ERC2: variants seen among roughly 807,000 people sequenced by gnomAD.
The protein encoded by ERC2 is ELKS/RAB6-interacting/CAST family member 2.
In ERC2, 42 loss-of-function variants were observed where a neutral mutation model predicts 114.8. That is an observed-to-expected ratio of 0.37 (90% CI 0.29 to 0.47). The LOEUF (loss-of-function observed/expected upper bound fraction) is 0.47. Ranked by LOEUF, ERC2 falls within the 20% of genes least tolerant of loss-of-function variation. The pLI is 0.99. For missense variants in ERC2, 939 were observed against 1,150.7 expected (o/e 0.82, Z 2.66); for synonymous variants, 454 against 425.5 (o/e 1.07, Z -0.82).
chr3:55,538,508 G>A (rs112497295), intron 17 of ERC2, among the ~76,000 whole-genome samples: 5 of 152,238 alleles, frequency 3.3e-5, no homozygotes, highest in African/African-American at 1.2e-4. Context: ...CTAAATGGCT[G>A]TGTGAGCAAA....
At chr3:55,806,295 A>G (rs2059485600) in intron 14 of ERC2, among the ~76,000 whole-genome samples, 1 of 151,016 alleles carries the variant, frequency 6.6e-6, no homozygotes, top group African/African-American at 2.4e-5. Flanking sequence ...AGATCATGCC[A>G]CTGCACTCCA....
intron 17 of ERC2, among the ~76,000 whole-genome samples, chr3:55,592,944 A>T (rs2057965601): frequency 6.6e-6 from 1 of 152,224 alleles, no homozygotes; most frequent in Admixed American, 6.5e-5. Flanking sequence ...ATAGGATGAC[A>T]GGGTGCTTGA....
At chr3:55,907,102 C>T (rs542392883) in intron 13 of ERC2, among the ~76,000 whole-genome samples, 4 of 152,310 alleles carry the variant, frequency 2.6e-5, no homozygotes, top group African/African-American at 9.6e-5. Flanking sequence ...CAGAAAGTGT[C>T]TGCAAAAGAA....
intron 14 of ERC2, among the ~76,000 whole-genome samples, chr3:55,753,055 C>A (rs190796176): frequency 6.6e-6 from 1 of 152,216 alleles, no homozygotes; most frequent in African/African-American, 2.4e-5. Flanking sequence ...CTAACCAAGT[C>A]CATGGGGAAG....
intron 3 of ERC2, among the ~76,000 whole-genome samples, chr3:56,256,218 G>A: frequency 6.6e-6 from 1 of 152,196 alleles, no homozygotes; most frequent in East Asian, 1.9e-4. Context: ...GAGACAACTA[G>A]GAACAACCAG....
At chr3:56,229,998 TG>T (rs1242631283) in intron 3 of ERC2, among the ~76,000 whole-genome samples, 1 of 150,136 alleles carries the variant, frequency 6.7e-6, no homozygotes, top group African/African-American at 2.4e-5. Flanking sequence ...CCTGATTAGC[TG>T]GGATTACAGG....
chr3:55,656,211 C>T (rs1193800489), intron 17 of ERC2, among the ~76,000 whole-genome samples: 1 of 152,162 alleles, frequency 6.6e-6, no homozygotes, highest in Non-Finnish European at 1.5e-5. Context: ...GCAATCATAG[C>T]TCATGCAGCC....
At chr3:56,025,988 T>G (rs1474205482) in intron 7 of ERC2, among the ~76,000 whole-genome samples, 1 of 151,804 alleles carries the variant, frequency 6.6e-6, no homozygotes, top group Admixed American at 6.6e-5. Flanking sequence ...AATAAAAATT[T>G]GAAAACAAAT....
intron 17 of ERC2, among the ~76,000 whole-genome samples, chr3:55,642,271 T>C (rs1412277280): frequency 6.6e-6 from 1 of 152,118 alleles, no homozygotes; most frequent in African/African-American, 2.4e-5. Flanking sequence ...TCTCTGCACA[T>C]TCGCCCAGAT....
At chr3:56,099,232 G>A (rs1047647771) in intron 6 of ERC2, among the ~76,000 whole-genome samples, 7 of 152,156 alleles carry the variant, frequency 4.6e-5, no homozygotes, top group Admixed American at 3.9e-4. Context: ...TGTGGGGTGT[G>A]CAGATTTTGC....
chr3:56,421,424 G>A (rs1041038353), intron 2 of ERC2, among the ~76,000 whole-genome samples: 6 of 152,276 alleles, frequency 3.9e-5, no homozygotes, highest in East Asian at 3.9e-4. Context: ...CTGAGGGGGC[G>A]TGGATGTGTG....
intron 1 of ERC2, among the ~76,000 whole-genome samples, chr3:56,463,300 C>T (rs944066502): frequency 5.9e-5 from 9 of 152,196 alleles, no homozygotes; most frequent in Admixed American, 5.9e-4. Flanking sequence ...CCCCTCCAGG[C>T]ATTGCACCAA....
chr3:55,549,929 CAA>C (rs59383377), intron 17 of ERC2, among the ~76,000 whole-genome samples: 6,537 of 68,742 alleles, frequency 0.095, 581 homozygotes, highest in African/African-American at 0.26. Context: ...CCGACACACA[CAA>C]GAGAGAGAGA....
At chr3:56,002,854 T>C (rs1247025901) in intron 10 of ERC2, among the ~76,000 whole-genome samples, 1 of 152,186 alleles carries the variant, frequency 6.6e-6, no homozygotes, top group Non-Finnish European at 1.5e-5. Flanking sequence ...TCTATAGTCT[T>C]TGGGCTGAGG....
Position 56,296,386 on chromosome 3 carries a change from C to T in ERC2, c.707G>A (p.Arg236Lys). Residue 236 changes from arginine to lysine, a missense_variant, in exon 3 of 18, where the codon AGA becomes AAA. By Grantham distance (26) the Arg-to-Lys change is conservative. Coordinates refer to ENST00000288221, the MANE Select transcript of ERC2 (RefSeq NM_015576.3). ...TTGCTGGAGGAGGTGGTTGAGGTCT[C>T]TCTGGGTTCGCAGCTCATCTTGAAG... The part of the protein sequence containing the change: ...QALQDELRTQ[R>K]DLNHLLQQES... 2 of 1,613,968 alleles carry T rather than the reference C, an allele frequency of 1.2e-6. No individual in the cohort carries two copies. Among genetic ancestry groups the T allele is most frequent in the Non-Finnish European group, 1.7e-6 (2 of 1,179,882 alleles).
chr3:55,541,383 G>A (rs2054384016), intron 17 of ERC2, among the ~76,000 whole-genome samples: 1 of 152,170 alleles, frequency 6.6e-6, no homozygotes, highest in Admixed American at 6.5e-5. Context: ...TTGATGAAAG[G>A]CCTTAGGTTG....
At chr3:55,749,433 A>G (rs1380404859) in intron 14 of ERC2, among the ~76,000 whole-genome samples, 9 of 152,186 alleles carry the variant, frequency 5.9e-5, no homozygotes, top group African/African-American at 1.7e-4. Context: ...GTGAGAGGTG[A>G]GGCCAGCTGG....
intron 7 of ERC2, among the ~76,000 whole-genome samples, chr3:56,029,131 C>T (rs956026985): frequency 1.4e-4 from 22 of 151,960 alleles, no homozygotes; most frequent in African/African-American, 4.6e-4. Context: ...CAGCCTTGCA[C>T]ACCGGGAATA....
At chr3:55,666,797 A>G (rs4974131) in intron 17 of ERC2, among the ~76,000 whole-genome samples, 96,449 of 151,644 alleles carry the variant, frequency 0.64, 30,806 homozygotes, top group Admixed American at 0.67. Flanking sequence ...TGTTCTCCAG[A>G]GGCAAACTGC....
Sources: allele counts gnomAD v4.1 joint callset (sites outside exome capture counted in the v4.1 genomes callset), GRCh38; gene constraint gnomAD v4.1.1; transcripts MANE v1.5; gene names NCBI Gene and HGNC (gene_info 2026-07-23, HGNC 2026-07-21).